DLGAP1: variants seen among roughly 807,000 people sequenced by gnomAD.
DLGAP1 encodes the protein DLG associated protein 1, also known as disks large-associated protein 1.
In DLGAP1, 11 loss-of-function variants were observed where a neutral mutation model predicts 90.8. The observed-to-expected ratio is 0.12, with a 90% CI of 0.08 to 0.20. The LOEUF (loss-of-function observed/expected upper bound fraction) is 0.20, where lower values mean the gene tolerates loss of function less well. Ranked by LOEUF, DLGAP1 falls within the 10% of genes least tolerant of loss-of-function variation. The pLI, the probability that DLGAP1 is intolerant of heterozygous loss-of-function variation, is 1.00. For missense variants in DLGAP1, 1,050 were observed against 1,333.8 expected, an observed-to-expected ratio of 0.79 and a Z score of 3.31; for synonymous variants, 558 against 540.7, an observed-to-expected ratio of 1.03 and a Z score of -0.44.
chr18:4,305,690 A>G (rs1438270522), intron 1 of DLGAP1, among the ~76,000 whole-genome samples: 6 of 152,218 alleles, frequency 3.9e-5, no homozygotes, highest in African/African-American at 1.4e-4. Flanking sequence ...TGATAAAGTC[A>G]TGCTCAGAAA....
intron 2 of DLGAP1, among the ~76,000 whole-genome samples, chr18:4,007,681 A>C (rs1253218153): frequency 6.6e-6 from 1 of 151,790 alleles, no homozygotes; most frequent in Admixed American, 6.6e-5. Flanking sequence ...CAAACAAAAA[A>C]CCATTTTACT....
At chr18:4,025,648 T>C (rs1212875794) in intron 2 of DLGAP1, among the ~76,000 whole-genome samples, 2 of 152,190 alleles carry the variant, frequency 1.3e-5, no homozygotes, top group African/African-American at 4.8e-5. Context: ...AACAAACATA[T>C]TGTAAGTTTC....
At chr18:4,314,409 AT>A (rs1313057843) in intron 1 of DLGAP1, among the ~76,000 whole-genome samples, 1 of 152,192 alleles carries the variant, frequency 6.6e-6, no homozygotes, top group Non-Finnish European at 1.5e-5. Flanking sequence ...TGTTATTTGT[AT>A]TTATTCCTTG....
chr18:3,594,741 C>A (rs2056481026), intron 7 of DLGAP1, among the ~76,000 whole-genome samples: 1 of 152,136 alleles, frequency 6.6e-6, no homozygotes, highest in Admixed American at 6.5e-5. Context: ...CTTTTCCACC[C>A]AATCTCTTTC....
chr18:3,534,717 G>A (rs1191013178), intron 9 of DLGAP1, 102 bp from the exon 10 acceptor site: 25 of 1,018,654 alleles, frequency 2.5e-5, no homozygotes, highest in South Asian at 3.6e-5. Flanking sequence ...TTTTGACAGA[G>A]TCTCACTCTG....
At chr18:4,197,860 A>T (rs563423519) in intron 1 of DLGAP1, among the ~76,000 whole-genome samples, 1 of 152,182 alleles carries the variant, frequency 6.6e-6, no homozygotes, top group Non-Finnish European at 1.5e-5. Flanking sequence ...CTTATTTCCC[A>T]GGGCCCTCAT....
intron 5 of DLGAP1, among the ~76,000 whole-genome samples, chr18:3,803,978 ATATATATATATATATATATATATAT>A (rs1361247927): frequency 2.6e-5 from 2 of 76,518 alleles, no homozygotes; most frequent in Non-Finnish European, 5.7e-5. Flanking sequence ...ATATATATAT[ATATATATATATATATATATATATAT>A]AATTTTTTTT....
chr18:4,115,561 C>T (rs1012160472), intron 2 of DLGAP1, among the ~76,000 whole-genome samples: 1 of 151,658 alleles, frequency 6.6e-6, no homozygotes, highest in African/African-American at 2.4e-5. Flanking sequence ...TCTCGGCTCA[C>T]CGCAAGCTCT....
At chr18:4,126,703 A>G (rs1791400268) in intron 2 of DLGAP1, among the ~76,000 whole-genome samples, 1 of 152,176 alleles carries the variant, frequency 6.6e-6, no homozygotes, top group Admixed American at 6.6e-5. Flanking sequence ...ACCTGCCACA[A>G]GTCTGTGGTG....
chr18:3,917,356 C>A (rs1205551408), intron 3 of DLGAP1, among the ~76,000 whole-genome samples: 2 of 152,184 alleles, frequency 1.3e-5, no homozygotes, highest in African/African-American at 4.8e-5. Context: ...CAGCAGCATT[C>A]CAGCTCTCGC....
intron 6 of DLGAP1, among the ~76,000 whole-genome samples, chr18:3,737,173 G>A (rs2062681273): frequency 6.7e-6 from 1 of 148,766 alleles, no homozygotes; most frequent in Non-Finnish European, 1.5e-5. Context: ...TGGATTCACA[G>A]CCGAATTCTA....
At chr18:4,128,160 A>T (rs1463043232) in intron 2 of DLGAP1, among the ~76,000 whole-genome samples, 2 of 152,176 alleles carry the variant, frequency 1.3e-5, no homozygotes, top group Admixed American at 6.5e-5. Flanking sequence ...TCAACTACCA[A>T]TTAAAAACAT....
chr18:3,504,351 C>T (rs1191676365), intron 11 of DLGAP1, among the ~76,000 whole-genome samples: 1 of 151,966 alleles, frequency 6.6e-6, no homozygotes, highest in East Asian at 1.9e-4. Flanking sequence ...AATTATTAGG[C>T]ACTTTGGGAA....
At chr18:4,192,511 G>A (rs2077420524) in intron 1 of DLGAP1, among the ~76,000 whole-genome samples, 2 of 152,144 alleles carry the variant, frequency 1.3e-5, no homozygotes, top group South Asian at 4.1e-4. Flanking sequence ...CAACTAACTT[G>A]AAGTTCCCCT....
intron 7 of DLGAP1, chr18:3,722,545 G>A (rs1403511952): frequency 3.3e-5 from 5 of 152,156 alleles, no homozygotes; most frequent in Non-Finnish European, 5.9e-5. Context: ...TGCAAGGGTG[G>A]AAGTACGCGA....
intron 8 of DLGAP1, among the ~76,000 whole-genome samples, chr18:3,578,360 ATT>A (rs750251974): frequency 2.8e-5 from 4 of 143,570 alleles, no homozygotes; most frequent in African/African-American, 7.6e-5. Context: ...TGCGTCTTTA[ATT>A]TTTTTTTTTT....
chr18:4,394,594 G>A (rs2082403299), intron 1 of DLGAP1, among the ~76,000 whole-genome samples: 1 of 152,074 alleles, frequency 6.6e-6, no homozygotes, highest in African/African-American at 2.4e-5. Flanking sequence ...GGAATAATTA[G>A]CCTAGTTAAT....
At chr18:4,027,083 A>G (rs978369163) in intron 2 of DLGAP1, among the ~76,000 whole-genome samples, 10 of 152,188 alleles carry the variant, frequency 6.6e-5, no homozygotes, top group African/African-American at 2.2e-4. Flanking sequence ...TATTAACAAT[A>G]GCAGTAGGAT....
intron 3 of DLGAP1, among the ~76,000 whole-genome samples, chr18:3,918,287 A>C (rs867522583): frequency 6.6e-6 from 1 of 152,180 alleles, no homozygotes; most frequent in Non-Finnish European, 1.5e-5. Flanking sequence ...AGCCATCCAG[A>C]CTAAGATTTC....
Sources: allele counts gnomAD v4.1 joint callset (sites outside exome capture counted in the v4.1 genomes callset), GRCh38; gene constraint gnomAD v4.1.1; transcripts MANE v1.5; gene names NCBI Gene and HGNC (gene_info 2026-07-23, HGNC 2026-07-21).